The following GLCE variants were observed in gnomAD, a reference collection of about 807,000 sequenced individuals.
The protein encoded by GLCE is D-glucuronyl C5-epimerase.
A neutral mutation model predicts 47.9 loss-of-function variants in GLCE; 19 were observed. The ratio of observed to expected loss-of-function variants is 0.40; its 90% CI spans 0.28 to 0.58. GLCE has a LOEUF of 0.58. Among genes scored for constraint, GLCE ranks in the 20% least tolerant of loss-of-function variants. The pLI is 0.48. For missense variants in GLCE, 556 were observed against 743.3 expected (o/e 0.75, Z 2.93); for synonymous variants, 245 against 263.4 (o/e 0.93, Z 0.68).
intron 4 of GLCE, among the ~76,000 whole-genome samples, chr15:69,267,940 C>T (rs1371608371): frequency 6.7e-6 from 1 of 149,758 alleles, no homozygotes; most frequent in Admixed American, 6.7e-5. Flanking sequence ...TTTTGATCAA[C>T]AATACCTTAG....
chr15:69,210,534 AT>A (rs1175764523), intron 2 of GLCE, 128 bp downstream of exon 2: 1 of 152,122 alleles, frequency 6.6e-6, no homozygotes, highest in Non-Finnish European at 1.5e-5. Flanking sequence ...AATACTATGC[AT>A]TTTTAGACTT....
At chr15:69,257,211 G>T (rs1309400780) in intron 3 of GLCE, among the ~76,000 whole-genome samples, 1 of 152,136 alleles carries the variant, frequency 6.6e-6, no homozygotes, top group Non-Finnish European at 1.5e-5. Flanking sequence ...CAGACCGAAG[G>T]ATTATAGCCC....
chr15:69,168,994 T>C (rs1184596566), intron 1 of GLCE, among the ~76,000 whole-genome samples: 4 of 152,222 alleles, frequency 2.6e-5, no homozygotes, highest in Admixed American at 2.0e-4. Flanking sequence ...AAAGCTTCCC[T>C]CCTGTACTCT....
intron 2 of GLCE, among the ~76,000 whole-genome samples, chr15:69,226,770 A>G (rs1282072536): frequency 3.2e-5 from 3 of 92,846 alleles, no homozygotes; most frequent in African/African-American, 4.2e-5. Context: ...TTGAGACCTA[A>G]TCTTGCTCTT....
intron 1 of GLCE, among the ~76,000 whole-genome samples, chr15:69,210,069 G>C (rs1205281338): frequency 6.6e-6 from 1 of 152,048 alleles, no homozygotes; most frequent in East Asian, 1.9e-4. Context: ...TTTCCATTTG[G>C]GCTGTATTAT....
At chr15:69,203,125 C>T (rs1371324825) in intron 1 of GLCE, among the ~76,000 whole-genome samples, 1 of 152,058 alleles carries the variant, frequency 6.6e-6, no homozygotes, top group Non-Finnish European at 1.5e-5. Flanking sequence ...GTGAACTTAG[C>T]ATTTCAGTGG....
chr15:69,223,670 T>C (rs1470043977), intron 2 of GLCE, among the ~76,000 whole-genome samples: 1 of 152,170 alleles, frequency 6.6e-6, no homozygotes, highest in Non-Finnish European at 1.5e-5. Context: ...TGCCTCTTTC[T>C]CTTTTCTCCT....
intron 2 of GLCE, among the ~76,000 whole-genome samples, chr15:69,247,003 G>A (rs1030817653): frequency 2.0e-5 from 3 of 152,200 alleles, no homozygotes; most frequent in African/African-American, 7.2e-5. Flanking sequence ...TGCAGGAAGA[G>A]TAGATTTAGC....
At chr15:69,183,122 T>A (rs1357513916) in intron 1 of GLCE, among the ~76,000 whole-genome samples, 1 of 152,118 alleles carries the variant, frequency 6.6e-6, no homozygotes, top group African/African-American at 2.4e-5. Flanking sequence ...CAGTGGAAGA[T>A]CCTAGATCTA....
intron 1 of GLCE, among the ~76,000 whole-genome samples, chr15:69,200,208 A>C (rs1194956885): frequency 1.3e-5 from 2 of 152,136 alleles, no homozygotes; most frequent in African/African-American, 4.8e-5. Context: ...TAACTAGATA[A>C]AATTCTAATT....
intron 2 of GLCE, among the ~76,000 whole-genome samples, chr15:69,218,582 T>A (rs1348503582): frequency 6.6e-6 from 1 of 152,152 alleles, no homozygotes; most frequent in African/African-American, 2.4e-5. Flanking sequence ...AAACTAATAA[T>A]TAGACAAGAC....
In GLCE at chr15:69,268,830, A is replaced by C. The variant is rs148127349; in HGVS notation, c.1440A>C (p.Leu480=). The C allele has an allele frequency of 6.8e-6, 11 of 1,614,136 alleles. No individual in the cohort carries two copies. Among genetic ancestry groups the C allele is most frequent in the South Asian group, 1.1e-5 (1 of 91,090 alleles). Reference sequence around the variant, plus strand: ...GGGCAACAGCCCCTTATAAGTTTCTATCTGAGCAGCATGGAGTTAAAGCTG... The same window carrying C: ...GGGCAACAGCCCCTTATAAGTTTCTCTCTGAGCAGCATGGAGTTAAAGCTG... The part of the protein sequence containing the change: ...ALRATAPYKF[L]SEQHGVKAVF... The change falls in exon 5 of 5, where the codon CTA becomes CTC. Residue 480 remains leucine (L), a synonymous_variant. Transcript: ENST00000261858.
chr15:69,209,108 A>G (rs2052191190), intron 1 of GLCE, among the ~76,000 whole-genome samples: 1 of 151,834 alleles, frequency 6.6e-6, no homozygotes, highest in African/African-American at 2.4e-5. Context: ...TTCCACTTCT[A>G]AAATTTCCAT....
intron 1 of GLCE, among the ~76,000 whole-genome samples, chr15:69,209,032 C>T (rs1460635124): frequency 1.3e-5 from 2 of 151,848 alleles, no homozygotes; most frequent in Non-Finnish European, 2.9e-5. Context: ...CTGACTTTTT[C>T]TTCTGTCGTC....
At chr15:69,165,916 A>G (rs2051495136) in intron 1 of GLCE, among the ~76,000 whole-genome samples, 1 of 152,190 alleles carries the variant, frequency 6.6e-6, no homozygotes, top group African/African-American at 2.4e-5. Flanking sequence ...CCATAAGCTG[A>G]TATGAGAATG....
rs1169056172 is a variant in GLCE at position 69,210,331 on chromosome 15, CTG to C, written c.-88_-87del. On this transcript the variant is annotated 5_prime_UTR_variant, in exon 2 of 5. Transcript: ENST00000261858. The stretch of plus-strand genomic sequence containing the variant: ...GTTTCTCTAGGAATTTGACAAGAAA[CTG>C]AAGTTTTGATTCAGATATATTTTGA... The C allele has an allele frequency of 6.6e-6, 1 of 152,048 alleles. No individual in the cohort carries two copies. The highest frequency in any genetic ancestry group is 2.4e-5 in the African/African-American group (1 of 41,410). 9.4% of individuals were successfully genotyped at this position (152,048 alleles called of 1,614,324 possible).
At chr15:69,188,742 A>G (rs142614096) in intron 1 of GLCE, among the ~76,000 whole-genome samples, 1,646 of 152,194 alleles carry the variant, frequency 0.011, 13 homozygotes, top group Non-Finnish European at 0.018. Context: ...TCTTTAATTT[A>G]TCTCTCTCAC....
At chr15:69,222,761 C>T (rs1293144007) in intron 2 of GLCE, among the ~76,000 whole-genome samples, 1 of 152,168 alleles carries the variant, frequency 6.6e-6, no homozygotes, top group African/African-American at 2.4e-5. Flanking sequence ...TGTTTGGGTC[C>T]TCTGCAACTG....
At position 69,261,342 on chromosome 15, in the gene GLCE, T is replaced by G; in HGVS notation, c.829+13T>G. On this transcript the variant is annotated intron_variant, in intron 4 of 4. Transcript: ENST00000261858. ...TTTATTGCACCAGGTAAGTTATGTA[T>G]TATATGTGCCTGCTAATTTTATGTT... The G allele has an allele frequency of 6.2e-7, 1 of 1,608,688 alleles. No individual in the cohort carries two copies.
Sources: allele counts gnomAD v4.1 joint callset (sites outside exome capture counted in the v4.1 genomes callset), GRCh38; gene constraint gnomAD v4.1.1; transcripts MANE v1.5; gene names NCBI Gene and HGNC (gene_info 2026-07-23, HGNC 2026-07-21).